Variants in TMEM74 observed in about 807,000 individuals in gnomAD.
The protein encoded by TMEM74 is transmembrane protein 74.
TMEM74 carries 13 observed loss-of-function variants against 18.1 expected under a neutral mutation model. The ratio of observed to expected loss-of-function variants is 0.72; its 90% CI spans 0.47 to 1.14. TMEM74 has a LOEUF of 1.14. Among genes scored for constraint, TMEM74 ranks in the 50% most tolerant of loss-of-function variants. The pLI, the probability that TMEM74 is intolerant of heterozygous loss-of-function variation, is 0.00. For missense variants in TMEM74, 372 were observed against 375.9 expected, an observed-to-expected ratio of 0.99 and a Z score of 0.09; for synonymous variants, 159 against 146.6, an observed-to-expected ratio of 1.08 and a Z score of -0.61.
intron 2 of TMEM74, among the ~76,000 whole-genome samples, chr8:108,619,437 C>T (rs1227422367): frequency 6.6e-6 from 1 of 152,180 alleles, no homozygotes; most frequent in East Asian, 1.9e-4. Flanking sequence ...AGGGCTGAAG[C>T]CTGTCCACTT....
chr8:108,708,873 G>A (rs896480512), intron 1 of TMEM74, among the ~76,000 whole-genome samples: 30 of 111,142 alleles, frequency 2.7e-4, no homozygotes, highest in African/African-American at 1.1e-3. Flanking sequence ...CAAAAGACTT[G>A]AACAGACATT....
At chr8:108,647,846 A>G (rs1396324473) in intron 2 of TMEM74, among the ~76,000 whole-genome samples, 1 of 152,130 alleles carries the variant, frequency 6.6e-6, no homozygotes. Flanking sequence ...TACTTAGTAT[A>G]ATGAGAACAC....
chr8:108,707,077 T>C (rs936888400), intron 1 of TMEM74, among the ~76,000 whole-genome samples: 4 of 148,500 alleles, frequency 2.7e-5, no homozygotes, highest in African/African-American at 1.0e-4. Flanking sequence ...GAGCAAACAA[T>C]CACAAGGACA....
intron 1 of TMEM74, among the ~76,000 whole-genome samples, chr8:108,734,524 G>T (rs962043128): frequency 1.3e-5 from 2 of 152,018 alleles, no homozygotes; most frequent in Non-Finnish European, 2.9e-5. Context: ...TACAAGTTAC[G>T]TTAATTATTT....
chr8:108,614,423 G>A (rs1812363899), intron 2 of TMEM74, among the ~76,000 whole-genome samples: 1 of 152,052 alleles, frequency 6.6e-6, no homozygotes. Context: ...TTCTAATAGT[G>A]GTGAGAGGCT....
intron 2 of TMEM74, among the ~76,000 whole-genome samples, chr8:108,621,864 G>A (rs777607735): frequency 1.6e-4 from 24 of 152,010 alleles, no homozygotes; most frequent in African/African-American, 5.6e-4. Context: ...AAGTGAATAC[G>A]CACAAAGCAT....
intron 2 of TMEM74, among the ~76,000 whole-genome samples, chr8:108,613,223 T>C (rs902437726): frequency 6.6e-5 from 10 of 152,118 alleles, no homozygotes; most frequent in African/African-American, 1.4e-4. Context: ...AATTCAACCA[T>C]TGTGAAATTT....
chr8:108,659,254 A>AACACACACAAACACACAAACACACAC (rs1554630411), intron 1 of TMEM74, among the ~76,000 whole-genome samples: 1 of 149,756 alleles, frequency 6.7e-6, no homozygotes, highest in East Asian at 2.0e-4. Context: ...ATAGCCCACT[A>AACACACACAAACACACAAACACACAC]ACACACACAC....
intron 1 of TMEM74, among the ~76,000 whole-genome samples, chr8:108,761,261 C>T (rs528347671): frequency 4.9e-4 from 74 of 152,112 alleles, no homozygotes; most frequent in Admixed American, 4.4e-3. Flanking sequence ...CTTGATCTTA[C>T]ATTAGGTTTT....
intron 2 of TMEM74, among the ~76,000 whole-genome samples, chr8:108,649,916 T>A (rs1167615497): frequency 1.3e-5 from 2 of 152,152 alleles, no homozygotes; most frequent in Non-Finnish European, 1.5e-5. Flanking sequence ...GCCTCGGCTT[T>A]CATAGACAAA....
intron 1 of TMEM74, among the ~76,000 whole-genome samples, chr8:108,787,184 A>C (rs997036428): frequency 1.3e-5 from 2 of 152,150 alleles, no homozygotes; most frequent in African/African-American, 2.4e-5. Flanking sequence ...TTAAACTGAC[A>C]CAGGCAAGGC....
intron 1 of TMEM74, among the ~76,000 whole-genome samples, chr8:108,670,794 G>A (rs566867932): frequency 1.4e-3 from 209 of 152,046 alleles, no homozygotes; most frequent in African/African-American, 4.9e-3. Flanking sequence ...TGAATTTTAG[G>A]TTAAAGAAAA....
chr8:108,770,628 A>G (rs1814160958), intron 1 of TMEM74, among the ~76,000 whole-genome samples: 1 of 152,186 alleles, frequency 6.6e-6, no homozygotes, highest in African/African-American at 2.4e-5. Context: ...TATTTTCCTC[A>G]GTCGGCTTAT....
intron 1 of TMEM74, among the ~76,000 whole-genome samples, chr8:108,690,820 CA>C (rs1450138958): frequency 6.6e-6 from 1 of 150,486 alleles, no homozygotes. Context: ...GACTTCATCT[CA>C]AAAAAAATAA....
intron 1 of TMEM74, among the ~76,000 whole-genome samples, chr8:108,755,323 C>T (rs1813948793): frequency 6.6e-6 from 1 of 152,076 alleles, no homozygotes; most frequent in Non-Finnish European, 1.5e-5. Flanking sequence ...GATTTGAGGA[C>T]ACAGTTAAAC....
At chr8:108,635,694 T>C (rs1812600440) in intron 2 of TMEM74, among the ~76,000 whole-genome samples, 1 of 152,062 alleles carries the variant, frequency 6.6e-6, no homozygotes, top group African/African-American at 2.4e-5. Flanking sequence ...ACCAAAAATC[T>C]CAGCTTACGT....
At chr8:108,710,780 A>C (rs1226369936) in intron 1 of TMEM74, among the ~76,000 whole-genome samples, 2 of 152,130 alleles carry the variant, frequency 1.3e-5, no homozygotes, top group Non-Finnish European at 2.9e-5. Context: ...CCCACTGTCC[A>C]TCTGCAAAGA....
rs560922296 is a variant in TMEM74, at chr8:108,611,136, A to T, written n.265-2310T>A. ...GCCTCAATTTCTGGAGTTTTAAAGC[A>T]TGTAAATATGGAGTATTTTCATTTA... On this transcript the variant is annotated intron_variant and non_coding_transcript_variant, in intron 2 of 3. Transcript: ENST00000518838. 3.3e-5 allele frequency among the ~76,000 whole-genome samples: 5 copies of T among 152,352 alleles called. No individual in the cohort carries two copies. The South Asian group carries it at 1.0e-3, about 32-fold the overall frequency.
chr8:108,664,249 A>G (rs142039887), intron 1 of TMEM74, among the ~76,000 whole-genome samples: 14 of 152,276 alleles, frequency 9.2e-5, no homozygotes, highest in African/African-American at 1.7e-4. Flanking sequence ...GATTCTTCCT[A>G]TCCATGAACA....
Sources: gnomAD v4.1 joint callset for allele counts (sites outside exome capture counted in the v4.1 genomes callset) on GRCh38, gnomAD v4.1.1 for gene constraint, MANE v1.5 for transcripts, NCBI Gene and HGNC (gene_info 2026-07-23, HGNC 2026-07-21) for gene names.